The following DNAH14 variants were observed in gnomAD, a reference collection of about 807,000 sequenced individuals.
DNAH14 encodes the protein axonemal beta dynein heavy chain 14.
DNAH14 carries 478 observed loss-of-function variants against 520.9 expected under a neutral mutation model. The ratio of observed to expected loss-of-function variants is 0.92; its 90% confidence interval spans 0.85 to 0.99. The LOEUF (loss-of-function observed/expected upper bound fraction) is 0.99. Ranked by LOEUF, DNAH14 falls within the 50% of genes least tolerant of loss-of-function variation. The probability of loss-of-function intolerance (pLI) is 0.00; values close to 1 mark genes in which losing one functional copy is unlikely to be tolerated. For missense variants in DNAH14, 4,831 were observed against 5,234.5 expected (o/e 0.92, Z 2.38); for synonymous variants, 1,581 against 1,757.2 (o/e 0.90, Z 2.51).
Position 225,156,875 on chromosome 1 carries a change from C to T in DNAH14, c.5274-2439C>T, listed in dbSNP as rs1248946684. 1.0e-4 allele frequency among the ~76,000 whole-genome samples: 14 copies of T among 138,052 alleles called. 1 individual carries two copies. The highest frequency in any genetic ancestry group is 1.4e-4 in the African/African-American group (5 of 35,490). The allele number at this position is 138,052 out of a possible 152,430, so 90.6% of individuals were successfully genotyped here. ...GACTACAGGCGCCCGCCACTACGCC[C>T]GGCTAATTTTTTTGTATTTTTAGTA... On this transcript the variant is annotated intron_variant, in intron 34 of 85. Transcript: ENST00000682510.
intron 6 of DNAH14, chr1:224,967,859 C>G: frequency 7.7e-7 from 1 of 1,290,888 alleles, no homozygotes; most frequent in Non-Finnish European, 9.8e-7. Flanking sequence ...GGAAGAACTA[C>G]AAAACAAGCA....
At chr1:225,098,506 C>T (rs951403214) in intron 22 of DNAH14, among the ~76,000 whole-genome samples, 3 of 152,068 alleles carry the variant, frequency 2.0e-5, no homozygotes, top group African/African-American at 7.2e-5. Flanking sequence ...AATAATATGT[C>T]AAGTATTTTG....
chr1:225,232,971 A>G lies in DNAH14; in HGVS notation c.6518+1820A>G, dbSNP rs745739128. ...CCTTCCTCCCCTGACCACCACCCCA[A>G]CAGTCCCCAGTGTGTGTTGTTCCCC... On this transcript the variant is annotated intron_variant, in intron 42 of 85. Coordinates refer to ENST00000682510, the MANE Select transcript of DNAH14 (RefSeq NM_001367479.1). This position sits in a 1 kb window ranked among gnomAD's most constrained non-coding sequence, Gnocchi z 4.2. Among the ~76,000 whole-genome samples the G allele has an allele frequency of 1.3e-5, 2 of 152,020 alleles. No individual in the cohort carries two copies. The highest frequency in any genetic ancestry group is 2.1e-4 in the South Asian group (1 of 4,802).
At chr1:225,147,041 T>C in intron 30 of DNAH14, 63 bp from the exon 31 acceptor site, 1 of 1,282,150 alleles carries the variant, frequency 7.8e-7, no homozygotes, top group Non-Finnish European at 1.1e-6. Context: ...CAAATTAATA[T>C]CCCAGTAAAT....
intron 21 of DNAH14, among the ~76,000 whole-genome samples, chr1:225,090,579 C>G (rs984386344): frequency 1.3e-5 from 2 of 152,034 alleles, no homozygotes; most frequent in Non-Finnish European, 2.9e-5. Flanking sequence ...TACGTATGGA[C>G]AACTGATTTT....
chr1:225,346,798 T>G, intron 71 of DNAH14, 144 bp downstream of exon 71: 1 of 579,076 alleles, frequency 1.7e-6, no homozygotes, highest in East Asian at 2.9e-5. Flanking sequence ...TACTCAATAA[T>G]TTTTTAATGA....
At chr1:225,138,871 A>G (rs1490268561) in intron 27 of DNAH14, among the ~76,000 whole-genome samples, 2 of 151,900 alleles carry the variant, frequency 1.3e-5, no homozygotes, top group Non-Finnish European at 2.9e-5. Flanking sequence ...GAACCTGGAT[A>G]TTTCAGTTAA....
intron 8 of DNAH14, among the ~76,000 whole-genome samples, chr1:224,988,749 A>G (rs1437054711): frequency 6.6e-6 from 1 of 151,920 alleles, no homozygotes; most frequent in Non-Finnish European, 1.5e-5. Flanking sequence ...GTATGCAAGC[A>G]CTCCTCCCAC....
At chr1:225,155,792 C>A (rs755256513) in intron 34 of DNAH14, among the ~76,000 whole-genome samples, 4 of 152,090 alleles carry the variant, frequency 2.6e-5, no homozygotes, top group Non-Finnish European at 5.9e-5. Flanking sequence ...ATGTGACAGC[C>A]CCATTTCTTT....
chr1:225,184,696 C>T (rs532834910), intron 36 of DNAH14, among the ~76,000 whole-genome samples: 1 of 151,246 alleles, frequency 6.6e-6, no homozygotes, highest in African/African-American at 2.4e-5. Context: ...AATCCAACAT[C>T]CCTTTTTGAT....
chr1:225,150,255 T>C (rs1405820085), intron 31 of DNAH14, among the ~76,000 whole-genome samples: 3 of 152,192 alleles, frequency 2.0e-5, no homozygotes, highest in African/African-American at 7.2e-5. Flanking sequence ...TAGTTGATCG[T>C]GGTAGATAAG....
At chr1:224,991,015 A>C (rs2062992687) in intron 8 of DNAH14, among the ~76,000 whole-genome samples, 1 of 149,874 alleles carries the variant, frequency 6.7e-6, no homozygotes, top group South Asian at 2.1e-4. Context: ...TGTGTTTTTT[A>C]ATAGGCTGGA....
chr1:225,174,705 A>G (rs2083121761), intron 36 of DNAH14, among the ~76,000 whole-genome samples: 1 of 152,252 alleles, frequency 6.6e-6, no homozygotes, highest in East Asian at 1.9e-4. Context: ...ACTTCCAGTA[A>G]CATATTGAGG....
Position 225,130,911 on chromosome 1 carries a change from G to A in DNAH14, c.4254+7297G>A, listed in dbSNP as rs115078226. ...AAGCACAATACAACAAGGTATGCCT[G>A]TATAAGTATTTAGTTTGTGGCTACA... On this transcript the variant is annotated intron_variant, in intron 27 of 85. Coordinates refer to ENST00000682510, the MANE Select transcript of DNAH14 (RefSeq NM_001367479.1). Among the ~76,000 whole-genome samples, 584 of 152,232 alleles carry A rather than the reference G, an allele frequency of 3.8e-3. 3 individuals are homozygous for A. Among genetic ancestry groups the A allele is most frequent in the African/African-American group, 0.013 (554 of 41,562 alleles).
At chr1:225,039,525 T>G (rs992686581) in intron 12 of DNAH14, among the ~76,000 whole-genome samples, 2 of 151,716 alleles carry the variant, frequency 1.3e-5, no homozygotes, top group Admixed American at 6.6e-5. Flanking sequence ...TTGGAAGAGA[T>G]CAGCTGGAAA....
At chr1:224,959,857 T>G (rs1004417839) in intron 3 of DNAH14, among the ~76,000 whole-genome samples, 4 of 152,188 alleles carry the variant, frequency 2.6e-5, no homozygotes, top group African/African-American at 9.6e-5. Context: ...GTGCTTTAAA[T>G]GTATTAACTA....
chr1:225,053,607 T>TGA (rs2068756599), intron 17 of DNAH14, among the ~76,000 whole-genome samples: 1 of 152,066 alleles, frequency 6.6e-6, no homozygotes, highest in Non-Finnish European at 1.5e-5. Flanking sequence ...GTAGTAACAA[T>TGA]GAGAACTCTG....
intron 3 of DNAH14, among the ~76,000 whole-genome samples, chr1:224,958,981 G>A (rs969424779): frequency 6.6e-6 from 1 of 152,014 alleles, no homozygotes; most frequent in Non-Finnish European, 1.5e-5. Context: ...ATTTGGAAGT[G>A]GTGAATGGAG....
chr1:225,083,677 ATCTTC>A (rs1454178541), intron 20 of DNAH14, among the ~76,000 whole-genome samples: 1 of 152,136 alleles, frequency 6.6e-6, no homozygotes, highest in African/African-American at 2.4e-5. Context: ...ATAATTCTGA[ATCTTC>A]TCTTTCATAA....
Sources: gnomAD v4.1 joint callset for allele counts (sites outside exome capture counted in the v4.1 genomes callset) on GRCh38, gnomAD v4.1.1 for gene constraint, Gnocchi (gnomAD v3.1) non-coding constraint, MANE v1.5 for transcripts, NCBI Gene and HGNC (gene_info 2026-07-23, HGNC 2026-07-21) for gene names.